The following KIAA1217 variants were observed in gnomAD, a reference collection of about 807,000 sequenced individuals.
KIAA1217 encodes sickle tail protein homolog.
In KIAA1217, 88 loss-of-function variants were observed where a neutral mutation model predicts 163.9. The ratio of observed to expected loss-of-function variants is 0.54; its 90% CI spans 0.45 to 0.64. KIAA1217 has a LOEUF of 0.64. Among genes scored for constraint, KIAA1217 ranks in the 30% least tolerant of loss-of-function variants. The probability of loss-of-function intolerance (pLI) is 0.00; values close to 1 mark genes in which losing one functional copy is unlikely to be tolerated. For synonymous variants in KIAA1217, 903 were observed against 923.1 expected (o/e 0.98, Z 0.39); for missense variants, 2,372 against 2,475.0 (o/e 0.96, Z 0.88).
At chr10:23,816,003 A>G (rs1420161341) in intron 1 of KIAA1217, among the ~76,000 whole-genome samples, 24 of 152,168 alleles carry the variant, frequency 1.6e-4, no homozygotes, top group Non-Finnish European at 4.4e-5. Context: ...AGTTACATTG[A>G]AATTAATAAA....
chr10:23,720,258 G>C (rs966555398), intron 1 of KIAA1217, among the ~76,000 whole-genome samples: 2 of 152,038 alleles, frequency 1.3e-5, no homozygotes, highest in Admixed American at 6.6e-5. Flanking sequence ...TGGAGAGAGG[G>C]GTGGGGCATT....
Position 24,473,380 on chromosome 10 carries a change from G to A in KIAA1217, c.999G>A (p.Gly333=), listed in dbSNP as rs140434196. Residue 333 remains glycine (G), a synonymous_variant, in exon 6 of 21, where the codon GGG becomes GGA. Coordinates refer to ENST00000376454, the MANE Select transcript of KIAA1217 (RefSeq NM_019590.5). ...MPPSPSRIPY[G]GTRSMVVPGN... The stretch of plus-strand genomic sequence containing the variant: ...CCTCCCCGTCCAGAATTCCTTATGG[G>A]GGCACCCGCTCCATGGTTGTTCCTG... 9.3e-6 allele frequency: 15 copies of A among 1,611,968 alleles called. No homozygotes were observed. The highest frequency in any genetic ancestry group is 1.6e-4 in the Middle Eastern group (1 of 6,078).
chr10:23,750,290 G>A (rs1839664830), intron 1 of KIAA1217, among the ~76,000 whole-genome samples: 1 of 152,248 alleles, frequency 6.6e-6, no homozygotes, highest in Admixed American at 6.5e-5. Flanking sequence ...CATGGAATAT[G>A]CAACCCTTCA....
intron 6 of KIAA1217, among the ~76,000 whole-genome samples, chr10:24,486,654 G>A (rs764485270): frequency 6.6e-6 from 1 of 152,066 alleles, no homozygotes; most frequent in Non-Finnish European, 1.5e-5. Context: ...AGCCTAGAAC[G>A]TTCCTCCTCC....
intron 1 of KIAA1217, among the ~76,000 whole-genome samples, chr10:23,885,259 G>A (rs1001982759): frequency 7.3e-5 from 11 of 151,640 alleles, no homozygotes; most frequent in African/African-American, 1.7e-4. Flanking sequence ...TATAGTTACT[G>A]TGTGTGTGTG....
intron 2 of KIAA1217, among the ~76,000 whole-genome samples, chr10:24,267,653 A>T (rs547387213): frequency 6.6e-6 from 1 of 152,322 alleles, no homozygotes; most frequent in African/African-American, 2.4e-5. Context: ...AGAATGATAG[A>T]CTGCTGATAA....
intron 10 of KIAA1217, among the ~76,000 whole-genome samples, chr10:24,516,828 T>C (rs1271888000): frequency 2.0e-5 from 3 of 152,210 alleles, no homozygotes; most frequent in Non-Finnish European, 4.4e-5. Flanking sequence ...CGTCTAAGAC[T>C]AGCTCTCAAA....
chr10:24,147,832 CAAAAAA>C (rs1176106711), intron 2 of KIAA1217, among the ~76,000 whole-genome samples: 290 of 20,752 alleles, frequency 0.014, 1 homozygote, highest in African/African-American at 0.044. Context: ...TACTCTGTCT[CAAAAAA>C]AAAAAAAAAA....
intron 2 of KIAA1217, among the ~76,000 whole-genome samples, chr10:24,264,194 G>A (rs1485706713): frequency 3.3e-5 from 5 of 152,206 alleles, no homozygotes; most frequent in African/African-American, 9.6e-5. Flanking sequence ...CGAGTACAGC[G>A]GGACTTTTCT....
At chr10:24,512,443 C>G (rs1251045788) in intron 9 of KIAA1217, among the ~76,000 whole-genome samples, 1 of 152,122 alleles carries the variant, frequency 6.6e-6, no homozygotes, top group African/African-American at 2.4e-5. Flanking sequence ...GACTCAAGTG[C>G]TCAACCAGAC....
intron 1 of KIAA1217, among the ~76,000 whole-genome samples, chr10:23,928,119 A>C (rs80007939): frequency 6.6e-6 from 1 of 152,190 alleles, no homozygotes; most frequent in Non-Finnish European, 1.5e-5. Context: ...TTGCCTAATC[A>C]TCAAGCATTT....
At chr10:24,365,437 C>A (rs2050647136) in intron 2 of KIAA1217, among the ~76,000 whole-genome samples, 1 of 151,852 alleles carries the variant, frequency 6.6e-6, no homozygotes, top group Admixed American at 6.6e-5. Flanking sequence ...CTCTTCAAAT[C>A]TATCATCCTG....
chr10:23,858,338 A>G (rs960716422), intron 1 of KIAA1217, among the ~76,000 whole-genome samples: 1 of 152,128 alleles, frequency 6.6e-6, no homozygotes, highest in Non-Finnish European at 1.5e-5. Context: ...TTTAGTGTTC[A>G]CTGATTTAAA....
chr10:24,229,288 T>C (rs1020525056), intron 2 of KIAA1217, among the ~76,000 whole-genome samples: 3 of 152,182 alleles, frequency 2.0e-5, no homozygotes, highest in African/African-American at 7.2e-5. Context: ...TTGTAGAAAG[T>C]GTATGTTTTG....
chr10:23,981,497 G>T lies in KIAA1217; in HGVS notation c.-320-25728G>T, dbSNP rs1386973324. 2.6e-5 allele frequency among the ~76,000 whole-genome samples: 4 copies of T among 152,192 alleles called. No homozygotes were observed. In the East Asian group the frequency reaches 7.7e-4, roughly 29 times the overall value. On this transcript the variant is annotated intron_variant, in intron 1 of 18. Transcript: ENST00000376462. Reference sequence around the variant, plus strand: ...TAATTCAAAGGTTAATTTTGAGTCTGCAAGTCTTTGTCATGTCTATACGCA... The same window carrying T: ...TAATTCAAAGGTTAATTTTGAGTCTTCAAGTCTTTGTCATGTCTATACGCA...
intron 1 of KIAA1217, among the ~76,000 whole-genome samples, chr10:23,766,591 T>C (rs543968664): frequency 3.2e-3 from 472 of 145,436 alleles, no homozygotes; most frequent in African/African-American, 0.012. Context: ...TTCTTTCTTT[T>C]TTCTTTTTTT....
At chr10:24,452,282 C>T (rs2061431470) in intron 5 of KIAA1217, among the ~76,000 whole-genome samples, 2 of 151,890 alleles carry the variant, frequency 1.3e-5, no homozygotes, top group African/African-American at 4.8e-5. Flanking sequence ...AGAAGACAAA[C>T]CTGACCTGCA....
chr10:24,300,882 G>C (rs2041241215), intron 2 of KIAA1217, among the ~76,000 whole-genome samples: 1 of 152,066 alleles, frequency 6.6e-6, no homozygotes, highest in African/African-American at 2.4e-5. Context: ...GTGTTATCTT[G>C]GCTCACTGCA....
chr10:23,973,273 T>TTAGCCTA (rs377687042), intron 1 of KIAA1217, among the ~76,000 whole-genome samples: 48 of 152,364 alleles, frequency 3.2e-4, no homozygotes, highest in African/African-American at 1.1e-3. Flanking sequence ...TTGAAGAATT[T>TTAGCCTA]TAGCCTATCG....
Sources: gnomAD v4.1 joint callset for allele counts (sites outside exome capture counted in the v4.1 genomes callset) on GRCh38, gnomAD v4.1.1 for gene constraint, MANE v1.5 for transcripts, NCBI Gene and HGNC (gene_info 2026-07-23, HGNC 2026-07-21) for gene names.